XRN1: variants seen among roughly 807,000 people sequenced by gnomAD.
The protein encoded by XRN1 is strand-exchange protein 1 homolog.
XRN1 carries 67 observed loss-of-function variants against 222.3 expected under a neutral mutation model. The observed-to-expected ratio is 0.30, with a 90% CI of 0.25 to 0.37. The LOEUF is 0.37. Ranked by LOEUF, XRN1 falls within the 10% of genes least tolerant of loss-of-function variation. The pLI, the probability that XRN1 is intolerant of heterozygous loss-of-function variation, is 1.00. For missense variants in XRN1, 1,707 were observed against 2,000.2 expected, an observed-to-expected ratio of 0.85 and a Z score of 2.80; for synonymous variants, 643 against 652.4, an observed-to-expected ratio of 0.99 and a Z score of 0.22.
chr3:142,327,352 C>G, intron 37 of XRN1, among the ~76,000 whole-genome samples: 1 of 150,864 alleles, frequency 6.6e-6, no homozygotes, highest in Admixed American at 6.6e-5. Flanking sequence ...TCTCGGAATT[C>G]ATCCATTTCT....
At chr3:142,399,905 A>G (rs2068064992) in intron 19 of XRN1, among the ~76,000 whole-genome samples, 1 of 151,904 alleles carries the variant, frequency 6.6e-6, no homozygotes, top group South Asian at 2.1e-4. Context: ...TTCTAGCCAT[A>G]TGAAAAATAA....
At chr3:142,427,434 T>C (rs545713617) in intron 2 of XRN1, among the ~76,000 whole-genome samples, 5 of 152,236 alleles carry the variant, frequency 3.3e-5, no homozygotes, top group African/African-American at 1.2e-4. Context: ...CACAAATATA[T>C]GGCAAATTCA....
chr3:142,422,697 C>G lies in XRN1; in HGVS notation c.852G>C (p.Leu284Phe), dbSNP rs1455187290. 1.2e-6 allele frequency: 2 copies of G among 1,612,312 alleles called. No individual in the cohort carries two copies. Among genetic ancestry groups the G allele is most frequent in the Admixed American group, 3.3e-5 (2 of 59,988 alleles). ...DIERIIDDWI[L>F]MGFLVGNDFI... ...AATCATTACCAACAAGAAACCCCAT[C>G]AAAATCCAATCATCTATTATCCTTT... The change falls in exon 8 of 41, where the codon TTG becomes TTC. Residue 284 changes from leucine to phenylalanine, a missense_variant. Coordinates refer to ENST00000392981, the MANE Select transcript of XRN1 (RefSeq NM_001282857.2).
rs1243236833 is a variant in XRN1, at chr3:142,392,901, C to A, written c.2339+4428G>T. Among the ~76,000 whole-genome samples, 869 of 149,298 alleles carry A rather than the reference C, an allele frequency of 5.8e-3. 8 individuals are homozygous for A. The highest frequency in any genetic ancestry group is 0.02 in the African/African-American group (816 of 40,022). ...TCTAGATCCCTGAGGAATTGCCACA[C>A]TGACTTCCACAATGGTTGAACTAGT... is the stretch of plus-strand genomic sequence containing the variant. On this transcript the variant is annotated intron_variant, in intron 20 of 40. Transcript: ENST00000392981.
intron 39 of XRN1, among the ~76,000 whole-genome samples, chr3:142,314,413 T>A (rs942191652): frequency 2.4e-4 from 36 of 152,136 alleles, no homozygotes; most frequent in African/African-American, 8.0e-4. Flanking sequence ...AGACAATTCT[T>A]CTTTAGAGAA....
chr3:142,404,904 T>C lies in XRN1; in HGVS notation c.1883+3A>G, dbSNP rs986835435. 6.2e-7 allele frequency: 1 copy of C among 1,613,806 alleles called. No homozygotes were observed. Among genetic ancestry groups the C allele is most frequent in the African/African-American group, 1.3e-5 (1 of 75,042 alleles). On this transcript the variant is annotated splice_donor_region_variant and intron_variant, in intron 16 of 40. Transcript: ENST00000392981. ...TTGTTGAAAAATTACCAAGTAACAT[T>C]ACCTTGTACAACATCGTTCTATGGC...
At chr3:142,341,459 T>A in intron 33 of XRN1, among the ~76,000 whole-genome samples, 1 of 148,654 alleles carries the variant, frequency 6.7e-6, no homozygotes, top group South Asian at 2.2e-4. Flanking sequence ...AAAGGAAGAA[T>A]AATAAATAAT....
intron 10 of XRN1, among the ~76,000 whole-genome samples, chr3:142,420,022 G>C (rs55685195): frequency 0.021 from 3,221 of 152,168 alleles, 46 homozygotes; most frequent in Non-Finnish European, 0.034. Context: ...TGGCACAAAA[G>C]TAATTGTGGT....
intron 5 of XRN1, 71 bp from the exon 6 acceptor site, chr3:142,423,713 A>T (rs1238380056): frequency 8.5e-7 from 1 of 1,174,976 alleles, no homozygotes; most frequent in South Asian, 1.7e-5. Flanking sequence ...AAAAGCAATT[A>T]AAAAACAATT....
At chr3:142,323,293 T>G (rs1010274163) in intron 37 of XRN1, among the ~76,000 whole-genome samples, 2 of 150,546 alleles carry the variant, frequency 1.3e-5, no homozygotes, top group African/African-American at 2.4e-5. Flanking sequence ...GTTTTTTTTT[T>G]GTTTTTTTTT....
intron 37 of XRN1, among the ~76,000 whole-genome samples, chr3:142,325,938 T>C (rs1284033603): frequency 1.3e-5 from 2 of 152,148 alleles, no homozygotes; most frequent in Non-Finnish European, 2.9e-5. Flanking sequence ...TTCCCTAACA[T>C]ATGTTCTTGT....
At chr3:142,428,221 C>T (rs895318215) in intron 2 of XRN1, among the ~76,000 whole-genome samples, 3 of 151,820 alleles carry the variant, frequency 2.0e-5, no homozygotes, top group African/African-American at 7.3e-5. Context: ...GGTGAAACCC[C>T]ATCTCTGTTA....
intron 33 of XRN1, among the ~76,000 whole-genome samples, chr3:142,345,034 A>G (rs1190665386): frequency 6.6e-6 from 1 of 152,210 alleles, no homozygotes; most frequent in Non-Finnish European, 1.5e-5. Context: ...TGTATTTCAC[A>G]TAAGGACGGG....
intron 1 of XRN1, among the ~76,000 whole-genome samples, chr3:142,445,603 ATG>A (rs2070464685): frequency 6.6e-6 from 1 of 152,178 alleles, no homozygotes; most frequent in Non-Finnish European, 1.5e-5. Flanking sequence ...TCTTGATTCT[ATG>A]ACTTTGCCTC....
chr3:142,370,750 A>G (rs1434262743), intron 26 of XRN1, 130 bp from the exon 27 acceptor site: 4 of 687,548 alleles, frequency 5.8e-6, no homozygotes, highest in African/African-American at 1.9e-5. Context: ...TAAATCTAAT[A>G]TAAATATGGA....
At position 142,376,090 on chromosome 3, in the gene XRN1, A is replaced by T. The variant is rs1164267441; in HGVS notation, c.2832-146T>A. ...TTGATTATTCTTCTATATTTTAGTT[A>T]TTATGGTTATTTCCAAAGTAGCAGT... On this transcript the variant is annotated intron_variant, in intron 24 of 40. Transcript: ENST00000392981. 8 of 1,330,344 alleles carry T rather than the reference A, an allele frequency of 6.0e-6. No homozygotes were observed. In the East Asian group the frequency reaches 2.0e-4, roughly 32 times the overall value. The allele number at this position is 1,330,344 out of a possible 1,614,324, so 82.4% of individuals were successfully genotyped here.
chr3:142,374,287 G>T (rs937642482), intron 25 of XRN1, among the ~76,000 whole-genome samples: 4 of 152,114 alleles, frequency 2.6e-5, no homozygotes, highest in African/African-American at 9.7e-5. Flanking sequence ...GCCCTAGAGA[G>T]CAATCAGTTC....
chr3:142,425,591 G>A, intron 3 of XRN1, 53 bp from the exon 4 acceptor site: 3 of 1,440,848 alleles, frequency 2.1e-6, no homozygotes. Context: ...AAAACATTAA[G>A]TTCTCAGTGA....
intron 27 of XRN1, among the ~76,000 whole-genome samples, chr3:142,367,436 T>G (rs2066852733): frequency 6.6e-6 from 1 of 152,202 alleles, no homozygotes; most frequent in Admixed American, 6.5e-5. Flanking sequence ...ACCCAGAATT[T>G]TATTCTAATT....
Sources: allele counts gnomAD v4.1 joint callset (sites outside exome capture counted in the v4.1 genomes callset), GRCh38; gene constraint gnomAD v4.1.1; transcripts MANE v1.5; gene names NCBI Gene and HGNC (gene_info 2026-07-23, HGNC 2026-07-21).